LUZP2: variants seen among roughly 807,000 people sequenced by gnomAD.
The protein encoded by LUZP2 is leucine zipper protein 2.
Under a neutral mutation model 51.6 loss-of-function variants are expected in LUZP2, and 52 were observed. The ratio of observed to expected loss-of-function variants is 1.01; its 90% CI spans 0.81 to 1.27. The LOEUF (loss-of-function observed/expected upper bound fraction) is 1.27, where lower values mean the gene tolerates loss of function less well. Ranked by LOEUF, LUZP2 falls within the 50% of genes most tolerant of loss-of-function variation. The pLI is 0.00. For missense variants in LUZP2, 436 were observed against 395.4 expected (o/e 1.10, Z -0.87); for synonymous variants, 154 against 137.3 (o/e 1.12, Z -0.85).
At chr11:25,072,030 G>A (rs1014523465) in intron 10 of LUZP2, among the ~76,000 whole-genome samples, 1 of 151,986 alleles carries the variant, frequency 6.6e-6, no homozygotes, top group Non-Finnish European at 1.5e-5. Flanking sequence ...TATAGAAATT[G>A]TCTGTGATGG....
At chr11:24,538,693 A>G (rs1851261219) in intron 1 of LUZP2, among the ~76,000 whole-genome samples, 1 of 151,574 alleles carries the variant, frequency 6.6e-6, no homozygotes, top group African/African-American at 2.4e-5. Flanking sequence ...AAACTTTCAA[A>G]AAAATAAGTC....
intron 7 of LUZP2, among the ~76,000 whole-genome samples, chr11:24,964,004 A>C (rs1004773301): frequency 2.0e-5 from 3 of 152,218 alleles, no homozygotes; most frequent in Non-Finnish European, 4.4e-5. Flanking sequence ...ACTGATTTCA[A>C]ATCTTTTGGA....
At chr11:24,498,152 G>C (rs1227988749) in intron 1 of LUZP2, among the ~76,000 whole-genome samples, 1 of 152,124 alleles carries the variant, frequency 6.6e-6, no homozygotes, top group African/African-American at 2.4e-5. Flanking sequence ...CTGTTTAGTT[G>C]CCCAGGACTG....
At chr11:24,707,794 C>A (rs71476396) in intron 1 of LUZP2, among the ~76,000 whole-genome samples, 3 of 152,030 alleles carry the variant, frequency 2.0e-5, no homozygotes, top group Non-Finnish European at 4.4e-5. Flanking sequence ...AAATAGCACT[C>A]GAATATAAAA....
At chr11:24,646,660 A>G (rs1202838015) in intron 1 of LUZP2, 1 of 912,562 alleles carries the variant, frequency 1.1e-6, no homozygotes, top group African/African-American at 1.8e-5. Context: ...AAAGCAAATT[A>G]TTTCCCACAA....
In LUZP2 at chr11:25,081,902, T is replaced by C. The variant is rs1859469072; in HGVS notation, c.*3244T>C. ...GGTACAACCAGAACCAACAATTGTA[T>C]TTCTCTATAGTTATTTTAAAATAGT... On this transcript the variant is annotated 3_prime_UTR_variant, in exon 12 of 12. Coordinates refer to ENST00000336930, the MANE Select transcript of LUZP2 (RefSeq NM_001009909.4). The C allele has an allele frequency of 6.6e-6, 1 of 152,174 alleles. No homozygotes were observed. Among genetic ancestry groups the C allele is most frequent in the Non-Finnish European group, 1.5e-5 (1 of 68,010 alleles). The allele number at this position is 152,174 out of a possible 1,614,324, so 9.4% of individuals were successfully genotyped here. A position where few individuals can be genotyped will look rare whatever the true frequency, so the allele number is the denominator to read the frequency against.
intron 7 of LUZP2, among the ~76,000 whole-genome samples, chr11:24,972,934 C>T (rs1855785798): frequency 1.3e-5 from 2 of 151,954 alleles, no homozygotes. Flanking sequence ...ATGATGCTGA[C>T]CTCATAAAAT....
chr11:24,665,492 CA>C (rs1197343452), intron 1 of LUZP2, among the ~76,000 whole-genome samples: 9 of 152,082 alleles, frequency 5.9e-5, no homozygotes, highest in African/African-American at 1.9e-4. Flanking sequence ...TGGGAGGGGT[CA>C]GGGGCAGAAT....
chr11:24,982,328 A>G (rs892915552), intron 8 of LUZP2, among the ~76,000 whole-genome samples: 23 of 151,890 alleles, frequency 1.5e-4, no homozygotes, highest in Admixed American at 6.6e-5. Flanking sequence ...TTGCAGCACT[A>G]TTCACAATAA....
At chr11:24,910,248 T>TA (rs912298952) in intron 6 of LUZP2, among the ~76,000 whole-genome samples, 35 of 150,442 alleles carry the variant, frequency 2.3e-4, no homozygotes, top group Admixed American at 3.3e-4. Context: ...GACAATGCAA[T>TA]AAAAAAAAAG....
intron 5 of LUZP2, among the ~76,000 whole-genome samples, chr11:24,858,506 G>T (rs1213649504): frequency 6.6e-6 from 1 of 152,116 alleles, no homozygotes; most frequent in Non-Finnish European, 1.5e-5. Flanking sequence ...AGAGAAAATG[G>T]AATGTAAAAT....
intron 1 of LUZP2, among the ~76,000 whole-genome samples, chr11:24,649,615 T>C (rs1224981382): frequency 6.6e-6 from 1 of 151,956 alleles, no homozygotes; most frequent in Non-Finnish European, 1.5e-5. Context: ...TATTTTTGCT[T>C]TAGGTAATTT....
intron 1 of LUZP2, among the ~76,000 whole-genome samples, chr11:24,678,333 C>T (rs1856633317): frequency 6.6e-6 from 1 of 152,074 alleles, no homozygotes; most frequent in African/African-American, 2.4e-5. Flanking sequence ...GATGATAAAT[C>T]AACCCTGGGA....
At chr11:24,995,792 A>G (rs1456860586) in intron 9 of LUZP2, among the ~76,000 whole-genome samples, 1 of 151,980 alleles carries the variant, frequency 6.6e-6, no homozygotes, top group Non-Finnish European at 1.5e-5. Context: ...TCAATTCACA[A>G]TTGAAAGGTC....
chr11:24,866,352 G>A (rs1319838741), intron 5 of LUZP2, among the ~76,000 whole-genome samples: 1 of 152,062 alleles, frequency 6.6e-6, no homozygotes, highest in African/African-American at 2.4e-5. Flanking sequence ...TCCCATCAGG[G>A]AGGAAAACTG....
intron 1 of LUZP2, among the ~76,000 whole-genome samples, chr11:24,510,141 A>G (rs1435249777): frequency 6.6e-6 from 1 of 152,170 alleles, no homozygotes; most frequent in African/African-American, 2.4e-5. Context: ...CACAACACCA[A>G]AGTTGCTTTG....
chr11:25,030,957 A>AATAT (rs369901540), intron 9 of LUZP2, among the ~76,000 whole-genome samples: 3 of 2,034 alleles, frequency 1.5e-3, no homozygotes, highest in South Asian at 0.013. Context: ...TTATATATAT[A>AATAT]ATACAATATA....
intron 7 of LUZP2, among the ~76,000 whole-genome samples, chr11:24,954,003 A>C (rs2133867377): frequency 6.6e-6 from 1 of 152,172 alleles, no homozygotes; most frequent in Non-Finnish European, 1.5e-5. Context: ...CCAACTGGTA[A>C]ATAATCATCT....
At chr11:24,946,051 A>C (rs1481853148) in intron 7 of LUZP2, among the ~76,000 whole-genome samples, 2 of 152,072 alleles carry the variant, frequency 1.3e-5, no homozygotes, top group African/African-American at 2.4e-5. Context: ...CTTTTCATAT[A>C]TAAGTAGAAA....
Sources: allele counts gnomAD v4.1 joint callset (sites outside exome capture counted in the v4.1 genomes callset), GRCh38; gene constraint gnomAD v4.1.1; transcripts MANE v1.5; gene names NCBI Gene and HGNC (gene_info 2026-07-23, HGNC 2026-07-21).